CERS4: variants seen among roughly 807,000 people sequenced by gnomAD.
CERS4 encodes the protein LAG1 homolog, ceramide synthase 4.
Under a neutral mutation model 51.8 loss-of-function variants are expected in CERS4, and 65 were observed. The observed-to-expected ratio is 1.26, with a 90% CI of 1.03 to 1.54. CERS4 has a LOEUF of 1.54. Among genes scored for constraint, CERS4 ranks in the 40% most tolerant of loss-of-function variants. CERS4 has a pLI of 0.00. For synonymous variants in CERS4, 228 were observed against 208.4 expected (o/e 1.09, Z -0.81); for missense variants, 563 against 500.4 (o/e 1.13, Z -1.19).
intron 3 of CERS4, among the ~76,000 whole-genome samples, chr19:8,252,780 G>C (rs1969155148): frequency 6.6e-6 from 1 of 152,102 alleles, no homozygotes; most frequent in Non-Finnish European, 1.5e-5. Context: ...TCACCATGTT[G>C]CCCAGGTTGG....
intron 2 of CERS4, chr19:8,225,079 GC>G (rs1967730194): frequency 2.0e-5 from 3 of 152,436 alleles, no homozygotes; most frequent in Admixed American, 2.0e-4. Context: ...CGTGCTGGCC[GC>G]AGCTTCCAGG....
chr19:8,254,637 C>T, intron 4 of CERS4, 21 bp downstream of exon 4: 3 of 1,581,114 alleles, frequency 1.9e-6, no homozygotes, highest in Non-Finnish European at 2.6e-6. Context: ...CCCATGCCCT[C>T]CGACCCGCAC....
chr19:8,261,194 G>A (rs1163828415), intron 10 of CERS4: 1 of 152,238 alleles, frequency 6.6e-6, no homozygotes, highest in African/African-American at 2.4e-5. Context: ...GGGAGATGAG[G>A]CCCCACCCCT....
intron 2 of CERS4, chr19:8,239,351 ATCGCG>A: frequency 6.6e-6 from 1 of 150,790 alleles, no homozygotes; most frequent in African/African-American, 2.4e-5. Flanking sequence ...GTGAGCCGAG[ATCGCG>A]CCACTGTACT....
Position 8,262,420 on chromosome 19 carries a change from A to C in CERS4, c.*311A>C. 6.5e-6 allele frequency: 2 copies of C among 306,296 alleles called. No individual in the cohort carries two copies. Among genetic ancestry groups the C allele is most frequent in the Non-Finnish European group, 1.2e-5 (2 of 167,222 alleles). 19.0% of individuals were successfully genotyped at this position (306,296 alleles called of 1,614,324 possible). A position where few individuals can be genotyped will look rare whatever the true frequency, so the allele number is the denominator to read the frequency against. On this transcript the variant is annotated 3_prime_UTR_variant, in exon 12 of 12. Transcript: ENST00000251363. ...GGTCCAATTAAAACAAATGGAGCCA[A>C]ATTTTCTGCCTGAGAACTTGGGTCC... is the stretch of plus-strand genomic sequence containing the variant.
At chr19:8,233,767 C>T (rs1208117690) in intron 2 of CERS4, among the ~76,000 whole-genome samples, 1 of 152,008 alleles carries the variant, frequency 6.6e-6, no homozygotes, top group African/African-American at 2.4e-5. Flanking sequence ...AATCCCAGCA[C>T]TTTGGGAGGC....
chr19:8,255,808 C>T lies in CERS4; in HGVS notation c.411-14C>T. The T allele has an allele frequency of 6.2e-7, 1 of 1,613,910 alleles. No individual in the cohort carries two copies. Among genetic ancestry groups the T allele is most frequent in the Non-Finnish European group, 8.5e-7 (1 of 1,179,994 alleles). ...GGGTGTCTGCTATTTTCACAGCTCCCTCCCCATCCACAGCTGGAGGTTTCT... is the reference window on the plus strand; with the variant it reads ...GGGTGTCTGCTATTTTCACAGCTCCTTCCCCATCCACAGCTGGAGGTTTCT... On this transcript the variant is annotated splice_polypyrimidine_tract_variant and intron_variant, in intron 5 of 11. Transcript: ENST00000251363.
chr19:8,260,330 A>G lies in CERS4; in HGVS notation c.849-1358A>G, dbSNP rs554648413. Among the ~76,000 whole-genome samples the G allele has an allele frequency of 3.0e-3, 448 of 150,736 alleles. 2 individuals are homozygous for G. The highest frequency in any genetic ancestry group is 0.01 in the African/African-American group (429 of 41,104). On this transcript the variant is annotated intron_variant, in intron 10 of 11. Coordinates refer to ENST00000251363, the MANE Select transcript of CERS4 (RefSeq NM_024552.3). ...CTGCCTCAGCCTCCTGAGTAGCTGG[A>G]ATTATAGGCACACACCACCACACCT...
At chr19:8,254,046 G>A (rs961748933) in intron 3 of CERS4, among the ~76,000 whole-genome samples, 1 of 152,042 alleles carries the variant, frequency 6.6e-6, no homozygotes, top group African/African-American at 2.4e-5. Flanking sequence ...CTTAGGCCGG[G>A]CGCGGTGGCT....
chr19:8,257,805 C>T (rs1969474954), intron 9 of CERS4, 74 bp from the exon 10 acceptor site: 7 of 1,157,878 alleles, frequency 6.0e-6, no homozygotes, highest in South Asian at 3.7e-5. Context: ...CTCACCTGGT[C>T]CCATCCTATA....
At chr19:8,257,265 C>A in intron 9 of CERS4, 188 bp downstream of exon 9, 1 of 625,578 alleles carries the variant, frequency 1.6e-6, no homozygotes, top group Non-Finnish European at 2.6e-6. Flanking sequence ...CTCTGTCTTC[C>A]TGGGTGATGA....
chr19:8,211,498 A>G (rs759493042), intron 2 of CERS4, among the ~76,000 whole-genome samples: 118 of 152,196 alleles, frequency 7.8e-4, no homozygotes, highest in Admixed American at 3.3e-4. Flanking sequence ...GTCATGACCT[A>G]TAGGTAAAGA....
At chr19:8,245,236 T>G (rs1461924509) in intron 2 of CERS4, among the ~76,000 whole-genome samples, 4 of 151,292 alleles carry the variant, frequency 2.6e-5, no homozygotes, top group Non-Finnish European at 5.9e-5. Flanking sequence ...TTTATTTATA[T>G]ATTTTTATTT....
chr19:8,261,844 G>A lies in CERS4; in HGVS notation c.1005G>A (p.Gln335=), dbSNP rs755507344. The A allele has an allele frequency of 1.2e-5, 20 of 1,614,032 alleles. No individual in the cohort carries two copies. The highest frequency in any genetic ancestry group is 2.7e-5 in the African/African-American group (2 of 74,918). ...RMLYSFMKKG[Q]MEKDIRSDVE... is the part of the protein sequence containing the mutation. ...TCTATAGCTTCATGAAGAAGGGCCAGGTATGGCTGGACCTCCCCGGGGGCC... is the reference window on the plus strand; with the variant it reads ...TCTATAGCTTCATGAAGAAGGGCCAAGTATGGCTGGACCTCCCCGGGGGCC... Residue 335 remains glutamine (Q), a splice_region_variant and synonymous_variant, in exon 11 of 12, where the codon CAG becomes CAA. Coordinates refer to ENST00000251363, the MANE Select transcript of CERS4 (RefSeq NM_024552.3).
chr19:8,255,153 G>A (rs566145744), intron 4 of CERS4, among the ~76,000 whole-genome samples: 18 of 152,256 alleles, frequency 1.2e-4, no homozygotes, highest in African/African-American at 4.3e-4. Context: ...GGTGGGGAAT[G>A]GTGAAGACCA....
chr19:8,256,675 C>A lies in CERS4; in HGVS notation c.577C>A (p.Leu193Met), dbSNP rs770446603. 3 of 1,613,966 alleles carry A rather than the reference C, an allele frequency of 1.9e-6. No homozygotes were observed. The South Asian group carries it at 3.3e-5, about 18-fold the overall frequency. Residue 193 changes from leucine (L) to methionine (M), a missense_variant, in exon 8 of 12, where the codon CTG becomes ATG. Leu to Met is a conservative substitution (Grantham distance 15, BLOSUM62 2). Transcript: ENST00000251363. ...YLLELGFYLSLLIRLPFDVKR... is the reference protein window; with the variant it reads ...YLLELGFYLSMLIRLPFDVKR... ...CTTGGAGCTGGGTTTCTACCTCTCA[C>A]TGCTAATCAGGCTGCCCTTTGATGT...
At chr19:8,241,145 G>C (rs1373407767) in intron 2 of CERS4, among the ~76,000 whole-genome samples, 2 of 152,214 alleles carry the variant, frequency 1.3e-5, no homozygotes, top group Admixed American at 1.3e-4. Context: ...AAGGTGGCAG[G>C]GGCAAGGAAA....
Position 8,257,956 on chromosome 19 carries a change from C to G in CERS4, c.819C>G (p.Phe273Leu), listed in dbSNP as rs1568540339. 3 of 1,613,990 alleles carry G rather than the reference C, an allele frequency of 1.9e-6. No homozygotes were observed. Among genetic ancestry groups the G allele is most frequent in the Non-Finnish European group, 2.5e-6 (3 of 1,179,986 alleles). ...TCCTCATCTTCTCCTTTGTCTTCTT[C>G]TACACCCGACTGGTCCTCTTTCCCA... ...ALFLIFSFVFFYTRLVLFPTQ... is the reference protein window; with the variant it reads ...ALFLIFSFVFLYTRLVLFPTQ... The change falls in exon 10 of 12, where the codon TTC becomes TTG. Residue 273 changes from phenylalanine to leucine, a missense_variant. Coordinates refer to ENST00000251363, the MANE Select transcript of CERS4 (RefSeq NM_024552.3).
In CERS4 at chr19:8,228,397, G is replaced by A. The variant is rs116113725; in HGVS notation, c.-2+17535G>A. 2.5e-3 allele frequency among the ~76,000 whole-genome samples: 374 copies of A among 152,266 alleles called. 1 individual carries two copies. Among genetic ancestry groups the A allele is most frequent in the African/African-American group, 8.6e-3 (356 of 41,568 alleles). On this transcript the variant is annotated intron_variant, in intron 2 of 11. Coordinates refer to ENST00000251363, the MANE Select transcript of CERS4 (RefSeq NM_024552.3). Reference sequence around the variant, plus strand: ...AAAAAAATTTTTAAATATGTCAGCCGAGCATGGTGGCTCACACCTATAATC... The same window carrying A: ...AAAAAAATTTTTAAATATGTCAGCCAAGCATGGTGGCTCACACCTATAATC...
Sources: gnomAD v4.1 joint callset for allele counts (sites outside exome capture counted in the v4.1 genomes callset) on GRCh38, gnomAD v4.1.1 for gene constraint, MANE v1.5 for transcripts, NCBI Gene and HGNC (gene_info 2026-07-23, HGNC 2026-07-21) for gene names.